The following SYNJ2 variants were observed in gnomAD, a reference collection of about 807,000 sequenced individuals.
SYNJ2 encodes synaptojanin 2, also known as polyphosphatidylinositol phosphatase SYNJ2.
SYNJ2 carries 116 observed loss-of-function variants against 141.3 expected under a neutral mutation model. The observed-to-expected ratio is 0.82, with a 90% CI of 0.71 to 0.96. The LOEUF is 0.96. Ranked by LOEUF, SYNJ2 falls within the 40% of genes least tolerant of loss-of-function variation. The pLI, the probability that SYNJ2 is intolerant of heterozygous loss-of-function variation, is 0.00. For synonymous variants in SYNJ2, 745 were observed against 777.7 expected, an observed-to-expected ratio of 0.96 and a Z score of 0.70; for missense variants, 1,873 against 1,934.8, an observed-to-expected ratio of 0.97 and a Z score of 0.60.
intron 2 of SYNJ2, chr6:158,028,370 T>G: frequency 4.8e-6 from 1 of 208,676 alleles, no homozygotes; most frequent in Non-Finnish European, 9.8e-6. Flanking sequence ...TGGAGAGGCT[T>G]TGGGGGTAGG....
intron 20 of SYNJ2, among the ~76,000 whole-genome samples, chr6:158,082,714 T>C (rs1167884108): frequency 6.6e-6 from 1 of 152,118 alleles, no homozygotes; most frequent in East Asian, 1.9e-4. Context: ...GTGTCTCACG[T>C]TGGAAGGCAG....
At chr6:157,997,465 C>T (rs1309450495) in intron 1 of SYNJ2, among the ~76,000 whole-genome samples, 2 of 152,114 alleles carry the variant, frequency 1.3e-5, no homozygotes, top group East Asian at 1.9e-4. Context: ...AGCCATATGA[C>T]AATGGAGGCA....
At chr6:158,066,722 T>G in intron 12 of SYNJ2, 87 bp downstream of exon 12, 1 of 1,476,744 alleles carries the variant, frequency 6.8e-7, no homozygotes, top group Non-Finnish European at 9.2e-7. Context: ...CATCGTCTTG[T>G]GGAATTTCAT....
At chr6:158,028,692 C>T in intron 2 of SYNJ2, 64 bp from the exon 3 acceptor site, 2 of 1,578,424 alleles carry the variant, frequency 1.3e-6, no homozygotes, top group Non-Finnish European at 1.7e-6. Context: ...CATTTGTCCC[C>T]TTGGAGCTCC....
intron 11 of SYNJ2, 72 bp from the exon 12 acceptor site, chr6:158,066,371 CT>C: frequency 6.4e-7 from 1 of 1,553,188 alleles, no homozygotes; most frequent in Non-Finnish European, 8.8e-7. Flanking sequence ...GCCAGGCAGC[CT>C]CATCTGTCTT....
Position 158,070,622 on chromosome 6 carries a change from C to A in SYNJ2, c.1940+949C>A. The A allele has an allele frequency of 1.9e-6, 1 of 534,932 alleles. No homozygotes were observed. Among genetic ancestry groups the A allele is most frequent in the Non-Finnish European group, 2.4e-6 (1 of 418,846 alleles). The allele number at this position is 534,932 out of a possible 1,614,324, so 33.1% of individuals were successfully genotyped here. A position where few individuals can be genotyped will look rare whatever the true frequency, so the allele number is the denominator to read the frequency against. The stretch of plus-strand genomic sequence containing the variant: ...GGCTCGGTGTCCTCGGCTTCACGTG[C>A]CTTTAGCCCTGAGCTGCTTCCGCCT... On this transcript the variant is annotated intron_variant, in intron 14 of 26. Coordinates refer to ENST00000355585, the MANE Select transcript of SYNJ2 (RefSeq NM_003898.4). This position sits in a 1 kb window ranked among gnomAD's most constrained non-coding sequence, Gnocchi z 4.0.
chr6:158,003,883 C>A (rs1295490357), intron 1 of SYNJ2, among the ~76,000 whole-genome samples: 1 of 152,162 alleles, frequency 6.6e-6, no homozygotes, highest in Non-Finnish European at 1.5e-5. Context: ...CCTTGGGAGC[C>A]TCTCAAGTGG....
At chr6:158,060,158 G>C (rs931655317) in intron 7 of SYNJ2, among the ~76,000 whole-genome samples, 1 of 152,270 alleles carries the variant, frequency 6.6e-6, no homozygotes. Context: ...CCTCTTCCTC[G>C]GGCTTTCATG....
intron 1 of SYNJ2, among the ~76,000 whole-genome samples, chr6:157,992,787 T>C (rs909693982): frequency 7.9e-5 from 12 of 152,364 alleles, no homozygotes; most frequent in African/African-American, 2.9e-4. Flanking sequence ...TTCTTTTTTA[T>C]GGATAAATAG....
chr6:158,042,091 A>AC (rs1361614358), intron 4 of SYNJ2, among the ~76,000 whole-genome samples: 5 of 152,366 alleles, frequency 3.3e-5, no homozygotes, highest in Non-Finnish European at 1.5e-5. Context: ...CAGGGCACAC[A>AC]CGCCGGTCAG....
At chr6:158,047,257 A>C (rs1780290389) in intron 5 of SYNJ2, among the ~76,000 whole-genome samples, 1 of 152,154 alleles carries the variant, frequency 6.6e-6, no homozygotes, top group Non-Finnish European at 1.5e-5. Flanking sequence ...GCTTCCCCGC[A>C]GCCACCACAG....
chr6:158,087,749 T>C (rs1028397453), intron 23 of SYNJ2, among the ~76,000 whole-genome samples: 11 of 152,286 alleles, frequency 7.2e-5, no homozygotes, highest in African/African-American at 2.2e-4. Context: ...TCATGTATTA[T>C]TGTGGAAATT....
intron 1 of SYNJ2, chr6:158,016,932 G>A: frequency 9.0e-7 from 1 of 1,112,976 alleles, no homozygotes; most frequent in Non-Finnish European, 1.1e-6. Context: ...CCCCCAGCTG[G>A]ACGCCAGAAC....
intron 20 of SYNJ2, among the ~76,000 whole-genome samples, chr6:158,082,224 T>C (rs1562397074): frequency 6.6e-6 from 1 of 151,894 alleles, no homozygotes; most frequent in Non-Finnish European, 1.5e-5. Context: ...TGTGGTGGCT[T>C]ACGCCTGTAA....
At chr6:157,998,498 T>C (rs571953354) in intron 1 of SYNJ2, among the ~76,000 whole-genome samples, 13 of 152,236 alleles carry the variant, frequency 8.5e-5, no homozygotes, top group Non-Finnish European at 1.8e-4. Flanking sequence ...CAGAGCTAGA[T>C]AATTAAACAT....
chr6:157,989,608 A>G (rs1777338464), intron 1 of SYNJ2, among the ~76,000 whole-genome samples: 1 of 152,002 alleles, frequency 6.6e-6, no homozygotes, highest in Non-Finnish European at 1.5e-5. Context: ...AAGGCGAAAC[A>G]TGATCTCTGG....
chr6:158,035,977 A>G (rs1483237264), intron 4 of SYNJ2, among the ~76,000 whole-genome samples: 2 of 152,128 alleles, frequency 1.3e-5, no homozygotes, highest in African/African-American at 4.8e-5. Context: ...GAAAAAAAAA[A>G]AAAACATTAA....
chr6:158,055,687 G>A (rs1362657653), intron 6 of SYNJ2, among the ~76,000 whole-genome samples: 1 of 152,088 alleles, frequency 6.6e-6, no homozygotes, highest in Non-Finnish European at 1.5e-5. Flanking sequence ...AATTGTCTTA[G>A]TGAATATAGT....
At position 158,027,198 on chromosome 6, in the gene SYNJ2, T is replaced by TGGTTGTTTTG; in HGVS notation, c.215-1555_215-1546dup. On this transcript the variant is annotated intron_variant, in intron 2 of 26. Coordinates refer to ENST00000355585, the MANE Select transcript of SYNJ2 (RefSeq NM_003898.4). The surrounding 1 kb of genome is among the most constrained non-coding windows in gnomAD (Gnocchi z 4.6). ...AATTGGGGTGAGAGGGTGGTGGAACTGGTTGTTTTGGGGGTCTCTTCCTGG... is the reference window on the plus strand; with the variant it reads ...AATTGGGGTGAGAGGGTGGTGGAACTGGTTGTTTTGGGTTGTTTTGGGGGTCTCTTCCTGG... 13 of 985,016 alleles carry TGGTTGTTTTG rather than the reference T, an allele frequency of 1.3e-5. No individual in the cohort carries two copies. The highest frequency in any genetic ancestry group is 1.4e-5 in the Non-Finnish European group (12 of 829,854). The allele number at this position is 985,016 out of a possible 1,614,324, so 61.0% of individuals were successfully genotyped here. A position where few individuals can be genotyped will look rare whatever the true frequency, so the allele number is the denominator to read the frequency against.
Sources: allele counts gnomAD v4.1 joint callset (sites outside exome capture counted in the v4.1 genomes callset), GRCh38; gene constraint gnomAD v4.1.1; non-coding constraint Gnocchi (gnomAD v3.1); transcripts MANE v1.5; gene names NCBI Gene and HGNC (gene_info 2026-07-23, HGNC 2026-07-21).